LRBA: variants seen among roughly 807,000 people sequenced by gnomAD.
LRBA encodes LPS responsive beige-like anchor protein.
Under a neutral mutation model 330.0 loss-of-function variants are expected in LRBA, and 176 were observed. The ratio of observed to expected loss-of-function variants is 0.53; its 90% CI spans 0.47 to 0.60. The LOEUF (loss-of-function observed/expected upper bound fraction) is 0.60, where lower values mean the gene tolerates loss of function less well. LRBA is among the 20% of genes least tolerant of loss of function. The probability of loss-of-function intolerance (pLI) is 0.00; values close to 1 mark genes in which losing one functional copy is unlikely to be tolerated. For missense variants in LRBA, 3,259 were observed against 3,444.8 expected, an observed-to-expected ratio of 0.95 and a Z score of 1.35; for synonymous variants, 1,230 against 1,193.0, an observed-to-expected ratio of 1.03 and a Z score of -0.64.
At chr4:150,607,395 G>A (rs1260840111) in intron 37 of LRBA, among the ~76,000 whole-genome samples, 1 of 151,874 alleles carries the variant, frequency 6.6e-6, no homozygotes, top group East Asian at 1.9e-4. Flanking sequence ...GGGAGGTGAG[G>A]AAAAAGATAA....
chr4:150,317,875 T>A (rs1252329141), intron 50 of LRBA, among the ~76,000 whole-genome samples: 5 of 152,170 alleles, frequency 3.3e-5, no homozygotes, highest in East Asian at 1.9e-4. Context: ...AAATTGCCAA[T>A]AACTGACTGT....
chr4:150,501,345 C>T (rs943461897), intron 40 of LRBA, among the ~76,000 whole-genome samples: 2 of 152,146 alleles, frequency 1.3e-5, no homozygotes, highest in Admixed American at 6.5e-5. Flanking sequence ...GATGTGGTGG[C>T]TCACGTCTGT....
At chr4:150,432,453 C>CTTTTTTTGTTTTTT (rs1750536168) in intron 46 of LRBA, among the ~76,000 whole-genome samples, 1 of 98,438 alleles carries the variant, frequency 1.0e-5, no homozygotes, top group Non-Finnish European at 1.8e-5. Context: ...TAAGTGTGTT[C>CTTTTTTTGTTTTTT]TTTTTTTTTT....
At chr4:150,708,460 C>T (rs554698320) in intron 36 of LRBA, among the ~76,000 whole-genome samples, 4 of 151,748 alleles carry the variant, frequency 2.6e-5, no homozygotes, top group East Asian at 1.9e-4. Flanking sequence ...GTTATAAAGT[C>T]GGGCTGAAAT....
chr4:150,855,287 A>G (rs759353325), intron 22 of LRBA, among the ~76,000 whole-genome samples: 1 of 152,158 alleles, frequency 6.6e-6, no homozygotes, highest in African/African-American at 2.4e-5. Flanking sequence ...TGGTTAGCCT[A>G]CTTTTTGGAA....
chr4:150,489,180 TATA>T (rs1301486753), intron 41 of LRBA, among the ~76,000 whole-genome samples: 1 of 123,982 alleles, frequency 8.1e-6, no homozygotes, highest in Non-Finnish European at 1.6e-5. Context: ...TATATAAGTA[TATA>T]ATATATTATA....
chr4:150,401,463 G>T (rs769738736), intron 47 of LRBA, among the ~76,000 whole-genome samples: 5 of 152,078 alleles, frequency 3.3e-5, no homozygotes, highest in Non-Finnish European at 7.4e-5. Context: ...CAGTTTCCAA[G>T]AACTTATCCA....
At chr4:150,470,875 AC>A (rs1554034882) in intron 43 of LRBA, among the ~76,000 whole-genome samples, 1,859 of 92,998 alleles carry the variant, frequency 0.02, 14 homozygotes, top group South Asian at 0.027. Context: ...ACACACACAC[AC>A]CACACACTAA....
intron 56 of LRBA, among the ~76,000 whole-genome samples, chr4:150,269,115 G>T (rs778700648): frequency 1.1e-4 from 17 of 152,142 alleles, no homozygotes; most frequent in Non-Finnish European, 2.2e-4. Flanking sequence ...GGAAAATTAA[G>T]AATTGCAGTG....
intron 40 of LRBA, among the ~76,000 whole-genome samples, chr4:150,522,848 G>T (rs946651562): frequency 1.3e-5 from 2 of 152,192 alleles, no homozygotes; most frequent in East Asian, 1.9e-4. Flanking sequence ...CATGGCCAAG[G>T]CAGAAAACTG....
At chr4:150,385,663 AC>A (rs1213554974) in intron 47 of LRBA, among the ~76,000 whole-genome samples, 2 of 152,290 alleles carry the variant, frequency 1.3e-5, no homozygotes, top group Admixed American at 6.5e-5. Flanking sequence ...GAGTTACCAG[AC>A]CAGAAATGAG....
chr4:150,861,073 G>C (rs1751858837), intron 22 of LRBA, among the ~76,000 whole-genome samples: 1 of 152,054 alleles, frequency 6.6e-6, no homozygotes, highest in Non-Finnish European at 1.5e-5. Flanking sequence ...ATATGTATTT[G>C]TGTTATCTAT....
intron 44 of LRBA, among the ~76,000 whole-genome samples, chr4:150,450,714 A>C (rs1753243111): frequency 1.3e-5 from 2 of 152,194 alleles, no homozygotes; most frequent in South Asian, 4.1e-4. Flanking sequence ...ACCCAAAAAT[A>C]AACTTGAAAA....
At chr4:150,799,005 C>T (rs1741196197) in intron 33 of LRBA, among the ~76,000 whole-genome samples, 1 of 152,054 alleles carries the variant, frequency 6.6e-6, no homozygotes, top group Non-Finnish European at 1.5e-5. Flanking sequence ...TCTTTTTTCT[C>T]CCGAAGAAAA....
chr4:150,703,157 T>C (rs1467887362), intron 36 of LRBA, among the ~76,000 whole-genome samples: 4 of 152,012 alleles, frequency 2.6e-5, no homozygotes, highest in Admixed American at 2.0e-4. Context: ...CGAGACTTCG[T>C]CTCCAAAAGA....
chr4:150,402,906 CCTTT>C (rs1745695980), intron 47 of LRBA, among the ~76,000 whole-genome samples: 1 of 151,994 alleles, frequency 6.6e-6, no homozygotes, highest in South Asian at 2.1e-4. Flanking sequence ...TCCTCTTCTT[CCTTT>C]TTCTTTTTTT....
At chr4:150,697,146 G>A (rs1290343997) in intron 36 of LRBA, among the ~76,000 whole-genome samples, 1 of 151,034 alleles carries the variant, frequency 6.6e-6, no homozygotes, top group African/African-American at 2.4e-5. Context: ...TCAAGATGGT[G>A]AAACCCCATC....
chr4:150,788,824 C>T (rs1401785920), intron 34 of LRBA, among the ~76,000 whole-genome samples: 1 of 150,362 alleles, frequency 6.7e-6, no homozygotes, highest in African/African-American at 2.5e-5. Flanking sequence ...CCTATAATCC[C>T]AGCACATTGG....
chr4:150,579,971 C>G (rs1771067002), intron 40 of LRBA: 1 of 323,962 alleles, frequency 3.1e-6, no homozygotes, highest in Admixed American at 4.2e-5. Context: ...CCACGGAGCC[C>G]CTCCCGGCCA....
Sources: gnomAD v4.1 joint callset for allele counts (sites outside exome capture counted in the v4.1 genomes callset) on GRCh38, gnomAD v4.1.1 for gene constraint, MANE v1.5 for transcripts, NCBI Gene and HGNC (gene_info 2026-07-23, HGNC 2026-07-21) for gene names.